The following RBFOX1 variants were observed in gnomAD, a reference collection of about 807,000 sequenced individuals.
RBFOX1 encodes RNA binding fox-1 homolog 1.
RBFOX1 carries 8 observed loss-of-function variants against 57.7 expected under a neutral mutation model. That is an observed-to-expected ratio of 0.14 (90% CI 0.08 to 0.25). The LOEUF (loss-of-function observed/expected upper bound fraction) is 0.25, where lower values mean the gene tolerates loss of function less well. Among genes scored for constraint, RBFOX1 ranks in the 10% least tolerant of loss-of-function variants. The pLI is 1.00. For missense variants in RBFOX1, 611 were observed against 548.5 expected (o/e 1.11, Z -1.14); for synonymous variants, 326 against 222.4 (o/e 1.47, Z -4.15).
intron 3 of RBFOX1, 67 bp from the exon 4 acceptor site, chr16:7,051,990 G>A (rs932422399): frequency 1.3e-6 from 2 of 1,573,538 alleles, no homozygotes; most frequent in Non-Finnish European, 1.7e-6. Flanking sequence ...GTAACTTTCT[G>A]TTTTCTTTCA....
chr16:6,602,612 T>G (rs1225152266), intron 2 of RBFOX1, among the ~76,000 whole-genome samples: 1 of 152,172 alleles, frequency 6.6e-6, no homozygotes, highest in Admixed American at 6.5e-5. Flanking sequence ...GAAAGCCTTC[T>G]CCTGGCTCCA....
At chr16:7,435,145 T>A (rs1391403956) in intron 4 of RBFOX1, among the ~76,000 whole-genome samples, 1 of 152,232 alleles carries the variant, frequency 6.6e-6, no homozygotes, top group African/African-American at 2.4e-5. Flanking sequence ...CGTTCTTTTC[T>A]GTTCCAGGAT....
chr16:5,863,313 TCCGTTTTGCA>T (rs2057270816), intron 3 of RBFOX1, among the ~76,000 whole-genome samples: 1 of 152,206 alleles, frequency 6.6e-6, no homozygotes, highest in Non-Finnish European at 1.5e-5. Flanking sequence ...GTTTCCCACG[TCCGTTTTGCA>T]CCCTGCGCTG....
At chr16:7,507,472 G>C (rs1044430579) in intron 4 of RBFOX1, among the ~76,000 whole-genome samples, 10 of 151,806 alleles carry the variant, frequency 6.6e-5, no homozygotes, top group Admixed American at 1.3e-4. Context: ...GGCAACTTTT[G>C]ACAGTGCCCA....
chr16:7,095,347 A>G (rs1377191509), intron 4 of RBFOX1, among the ~76,000 whole-genome samples: 3 of 152,178 alleles, frequency 2.0e-5, no homozygotes, highest in Non-Finnish European at 4.4e-5. Context: ...TATATTGGCC[A>G]GGCTGGTCTC....
chr16:7,689,147 C>T (rs1001172852), intron 14 of RBFOX1, among the ~76,000 whole-genome samples: 1 of 152,134 alleles, frequency 6.6e-6, no homozygotes, highest in Admixed American at 6.6e-5. Flanking sequence ...TGGCAACTTG[C>T]AGTCATAAGT....
intron 3 of RBFOX1, among the ~76,000 whole-genome samples, chr16:7,028,750 G>A (rs12709167): frequency 0.45 from 68,738 of 151,320 alleles, 17,958 homozygotes; most frequent in South Asian, 0.61. Flanking sequence ...ATGTAATAGG[G>A]ACGTGGAGGT....
chr16:6,506,165 G>C (rs2096083508), intron 2 of RBFOX1, among the ~76,000 whole-genome samples: 1 of 152,170 alleles, frequency 6.6e-6, no homozygotes, highest in East Asian at 1.9e-4. Flanking sequence ...TAGAAGCGAA[G>C]AGTCTTCTGG....
At chr16:6,601,204 T>C (rs1188727564) in intron 2 of RBFOX1, among the ~76,000 whole-genome samples, 1 of 152,172 alleles carries the variant, frequency 6.6e-6, no homozygotes, top group Admixed American at 6.5e-5. Context: ...TTTAAGATCA[T>C]GAAATGGAAG....
intron 2 of RBFOX1, among the ~76,000 whole-genome samples, chr16:5,526,805 T>C (rs17138029): frequency 0.044 from 6,686 of 152,262 alleles, 503 homozygotes; most frequent in African/African-American, 0.15. Context: ...AACGTGTTTG[T>C]AGGCAGGAAG....
intron 3 of RBFOX1, among the ~76,000 whole-genome samples, chr16:5,750,322 A>C (rs993035409): frequency 6.6e-6 from 1 of 152,224 alleles, no homozygotes; most frequent in Non-Finnish European, 1.5e-5. Context: ...TCAGGAACGT[A>C]CTTGAGGAGG....
chr16:7,659,140 C>T (rs1291381979), intron 12 of RBFOX1, among the ~76,000 whole-genome samples: 1 of 152,204 alleles, frequency 6.6e-6, no homozygotes, highest in Admixed American at 6.5e-5. Flanking sequence ...AATTGTCATA[C>T]ATCTGTGTAA....
intron 3 of RBFOX1, among the ~76,000 whole-genome samples, chr16:5,679,666 A>G (rs2050270106): frequency 6.6e-6 from 1 of 152,138 alleles, no homozygotes; most frequent in Non-Finnish European, 1.5e-5. Flanking sequence ...TCTTTCATGA[A>G]GTCCTCTACC....
At chr16:5,508,815 GA>G (rs1490443000) in intron 2 of RBFOX1, among the ~76,000 whole-genome samples, 29 of 152,230 alleles carry the variant, frequency 1.9e-4, no homozygotes, top group Non-Finnish European at 2.2e-4. Context: ...CAGAAGTCGA[GA>G]GCTGACATTG....
At chr16:6,018,865 G>A (rs924420059), upstream of RBFOX1, among the ~76,000 whole-genome samples, 3 of 151,992 alleles carry the variant, frequency 2.0e-5, no homozygotes, top group African/African-American at 7.2e-5. Context: ...CATTGCCCCA[G>A]CATCCAACTT....
chr16:5,300,099 T>C (rs1473277730), intron 1 of RBFOX1, among the ~76,000 whole-genome samples: 3 of 152,158 alleles, frequency 2.0e-5, no homozygotes, highest in African/African-American at 7.2e-5. Flanking sequence ...TGTGTTGAAT[T>C]ACTCTAACCA....
intron 4 of RBFOX1, among the ~76,000 whole-genome samples, chr16:5,943,205 G>GCCCCTGGAGCA (rs970693896): frequency 2.9e-4 from 44 of 152,194 alleles, no homozygotes; most frequent in African/African-American, 1.1e-3. Flanking sequence ...TGGAGCACCT[G>GCCCCTGGAGCA]CATTCACATC....
chr16:6,058,991 A>T (rs530129175), intron 1 of RBFOX1, among the ~76,000 whole-genome samples: 5 of 152,210 alleles, frequency 3.3e-5, no homozygotes, highest in Non-Finnish European at 7.3e-5. Flanking sequence ...TAGCTGGAAA[A>T]CCAAGAAAAA....
chr16:7,177,021 G>C (rs990792285), intron 4 of RBFOX1, among the ~76,000 whole-genome samples: 1 of 152,064 alleles, frequency 6.6e-6, no homozygotes, highest in Admixed American at 6.5e-5. Context: ...AAGTCTCATT[G>C]AGCACAAAAT....
Sources: gnomAD v4.1 joint callset for allele counts (sites outside exome capture counted in the v4.1 genomes callset) on GRCh38, gnomAD v4.1.1 for gene constraint, MANE v1.5 for transcripts, NCBI Gene and HGNC (gene_info 2026-07-23, HGNC 2026-07-21) for gene names.